Variants in RPS6KA5 observed in about 807,000 individuals in gnomAD.
RPS6KA5 encodes the protein ribosomal protein S6 kinase A5.
A neutral mutation model predicts 85.5 loss-of-function variants in RPS6KA5; 27 were observed. That is an observed-to-expected ratio of 0.32 (90% CI 0.23 to 0.44). RPS6KA5 has a LOEUF of 0.44. Ranked by LOEUF, RPS6KA5 falls within the 20% of genes least tolerant of loss-of-function variation. RPS6KA5 has a pLI of 1.00. For missense variants in RPS6KA5, 811 were observed against 980.9 expected, an observed-to-expected ratio of 0.83 and a Z score of 2.31; for synonymous variants, 334 against 348.2, an observed-to-expected ratio of 0.96 and a Z score of 0.46.
intron 5 of RPS6KA5, among the ~76,000 whole-genome samples, chr14:90,930,169 G>A (rs1331135089): frequency 6.6e-6 from 1 of 152,176 alleles, no homozygotes; most frequent in Non-Finnish European, 1.5e-5. Flanking sequence ...ACCACGCCCG[G>A]CCAGCCAGAT....
Position 90,854,941 on chromosome 14 carries a change from ACT to A in RPS6KA5, c.*17131_*17132del, listed in dbSNP as rs917749712. 2.0e-5 allele frequency: 3 copies of A among 152,190 alleles called. No homozygotes were observed. Among genetic ancestry groups the A allele is most frequent in the Non-Finnish European group, 4.4e-5 (3 of 68,022 alleles). The allele number at this position is 152,190 out of a possible 1,614,324, so 9.4% of individuals were successfully genotyped here. A position where few individuals can be genotyped will look rare whatever the true frequency, so the allele number is the denominator to read the frequency against. ...TTCACATAAAGATTTTATGTAAAAC[ACT>A]CTGCAGTTAGAAACAATCTTATTTA... On this transcript the variant is annotated 3_prime_UTR_variant, in exon 17 of 17. Transcript: ENST00000614987.
At chr14:90,888,198 A>G (rs2034346183) in intron 14 of RPS6KA5, among the ~76,000 whole-genome samples, 1 of 152,096 alleles carries the variant, frequency 6.6e-6, no homozygotes, top group South Asian at 2.1e-4. Flanking sequence ...AAATTTGACA[A>G]TTAGATTTAG....
At chr14:91,016,541 T>C (rs2041505659) in intron 1 of RPS6KA5, among the ~76,000 whole-genome samples, 1 of 152,140 alleles carries the variant, frequency 6.6e-6, no homozygotes, top group South Asian at 2.1e-4. Flanking sequence ...GGTTCTAGGG[T>C]ACCCAGATAT....
At chr14:90,995,299 T>C (rs1197428848) in intron 2 of RPS6KA5, among the ~76,000 whole-genome samples, 1 of 152,180 alleles carries the variant, frequency 6.6e-6, no homozygotes, top group Non-Finnish European at 1.5e-5. Flanking sequence ...TTTTTCTTTT[T>C]TTAAATCACA....
At chr14:90,938,892 C>T (rs1441564980) in intron 5 of RPS6KA5, among the ~76,000 whole-genome samples, 1 of 152,224 alleles carries the variant, frequency 6.6e-6, no homozygotes, top group Non-Finnish European at 1.5e-5. Flanking sequence ...ATTTTCCCCA[C>T]TTGTTATAGT....
chr14:90,892,059 T>C (rs181611659), intron 13 of RPS6KA5, among the ~76,000 whole-genome samples: 12 of 151,426 alleles, frequency 7.9e-5, no homozygotes, highest in Admixed American at 7.9e-4. Flanking sequence ...CGTGCAGTGG[T>C]GCGATCTTGG....
chr14:91,034,434 G>A (rs1282818458), intron 1 of RPS6KA5, among the ~76,000 whole-genome samples: 1 of 152,084 alleles, frequency 6.6e-6, no homozygotes, highest in Non-Finnish European at 1.5e-5. Context: ...GATTATAAAC[G>A]CACCAATCAG....
chr14:90,993,889 T>C (rs1272092729), intron 2 of RPS6KA5, among the ~76,000 whole-genome samples: 2 of 152,116 alleles, frequency 1.3e-5, no homozygotes, highest in Non-Finnish European at 2.9e-5. Context: ...AAATGTTGTA[T>C]CTTCTCTATC....
rs139308124 is a variant in RPS6KA5 at position 90,983,294 on chromosome 14, A to G, written c.176-4770T>C. Among the ~76,000 whole-genome samples the G allele has an allele frequency of 4.6e-3, 700 of 151,252 alleles. 6 individuals are homozygous for G. The highest frequency in any genetic ancestry group is 0.016 in the African/African-American group (668 of 41,268). On this transcript the variant is annotated intron_variant, in intron 2 of 16. Transcript: ENST00000614987. ...TCCATCTCAAAAAAAAAAAAAAAAG[A>G]AAGAAAGAAAAAAATATGAGCAAAG...
intron 3 of RPS6KA5, among the ~76,000 whole-genome samples, chr14:90,952,419 G>A (rs1212269859): frequency 1.3e-5 from 2 of 152,194 alleles, no homozygotes; most frequent in Non-Finnish European, 1.5e-5. Context: ...GTGTTACAAC[G>A]AATTCTCAAA....
chr14:90,866,617 G>A lies in RPS6KA5; in HGVS notation c.*5457C>T, dbSNP rs2032814047. On this transcript the variant is annotated 3_prime_UTR_variant, in exon 17 of 17. Transcript: ENST00000614987. Reference sequence around the variant, plus strand: ...TATCTTTATGTAAAACTGTGGAAGAGCAGTTACATAGATTGTTGCAGCTTA... The same window carrying A: ...TATCTTTATGTAAAACTGTGGAAGAACAGTTACATAGATTGTTGCAGCTTA... 1 of 152,162 alleles carries A rather than the reference G, an allele frequency of 6.6e-6. No individual in the cohort carries two copies. Among genetic ancestry groups the A allele is most frequent in the African/African-American group, 2.4e-5 (1 of 41,430 alleles). 9.4% of individuals were successfully genotyped at this position (152,162 alleles called of 1,614,324 possible). A position where few individuals can be genotyped will look rare whatever the true frequency, so the allele number is the denominator to read the frequency against.
chr14:90,956,964 GTTTTTT>G (rs61106740), intron 3 of RPS6KA5, among the ~76,000 whole-genome samples: 1 of 123,358 alleles, frequency 8.1e-6, no homozygotes, highest in East Asian at 2.3e-4. Context: ...CTGTTTTTCT[GTTTTTT>G]TTTTTTTTTT....
intron 7 of RPS6KA5, among the ~76,000 whole-genome samples, chr14:90,908,217 G>A (rs779174191): frequency 2.6e-5 from 4 of 152,246 alleles, no homozygotes; most frequent in Non-Finnish European, 4.4e-5. Flanking sequence ...CTGCTGAGAT[G>A]CCAAGTCTGG....
At position 90,900,259 on chromosome 14, in the gene RPS6KA5, T is replaced by C; in HGVS notation, c.1246-18A>G. The C allele has an allele frequency of 6.6e-7, 1 of 1,518,598 alleles. No individual in the cohort carries two copies. The highest frequency in any genetic ancestry group is 2.1e-5 in the Admixed American group (1 of 48,316). The allele number at this position is 1,518,598 out of a possible 1,614,324, so 94.1% of individuals were successfully genotyped here. On this transcript the variant is annotated intron_variant, in intron 10 of 16. Transcript: ENST00000614987. ...GGAGAGTCCTGTCAAGAAATCAACA[T>C]CATTTAACTTCAGAAAATGTCAGTA...
In RPS6KA5 at chr14:90,865,986, C is replaced by T. The variant is rs1346111284; in HGVS notation, c.*6088G>A. 1 of 152,196 alleles carries T rather than the reference C, an allele frequency of 6.6e-6. No individual in the cohort carries two copies. Among genetic ancestry groups the T allele is most frequent in the Non-Finnish European group, 1.5e-5 (1 of 68,040 alleles). 9.4% of individuals were successfully genotyped at this position (152,196 alleles called of 1,614,324 possible). On this transcript the variant is annotated 3_prime_UTR_variant, in exon 17 of 17. Coordinates refer to ENST00000614987, the MANE Select transcript of RPS6KA5 (RefSeq NM_004755.4). ...TAATAATTTTCATCACAAACATTTC[C>T]CAGCTCTGTCCCAATCAAGTTCTTA... is the stretch of plus-strand genomic sequence containing the variant.
At chr14:90,874,121 C>T (rs2033300065) in intron 15 of RPS6KA5, among the ~76,000 whole-genome samples, 1 of 152,192 alleles carries the variant, frequency 6.6e-6, no homozygotes, top group South Asian at 2.1e-4. Context: ...CTACTTCATC[C>T]ATATACCAAA....
At chr14:90,893,964 T>G in intron 13 of RPS6KA5, 1 of 825,512 alleles carries the variant, frequency 1.2e-6, no homozygotes, top group Non-Finnish European at 1.5e-6. Context: ...CCAAGACAAC[T>G]CTTTAAGTAT....
chr14:91,035,956 G>GAA (rs10689832), intron 1 of RPS6KA5, among the ~76,000 whole-genome samples: 35,422 of 133,232 alleles, frequency 0.27, 6,283 homozygotes, highest in African/African-American at 0.46. Flanking sequence ...CTTAGGGTAT[G>GAA]AAAAAAAAAA....
chr14:90,928,739 GA>G (rs199815422), intron 5 of RPS6KA5, among the ~76,000 whole-genome samples: 3,573 of 94,602 alleles, frequency 0.038, 41 homozygotes, highest in Middle Eastern at 0.056. Flanking sequence ...CACTTAAAAT[GA>G]AAAAAAAAAA....
Sources: allele counts gnomAD v4.1 joint callset (sites outside exome capture counted in the v4.1 genomes callset), GRCh38; gene constraint gnomAD v4.1.1; transcripts MANE v1.5; gene names NCBI Gene and HGNC (gene_info 2026-07-23, HGNC 2026-07-21).